Variants in LY96 observed in about 807,000 individuals in gnomAD.
LY96 encodes lymphocyte antigen 96.
A neutral mutation model predicts 18.9 loss-of-function variants in LY96; 18 were observed. The observed-to-expected ratio is 0.95, with a 90% CI of 0.66 to 1.41. The LOEUF is 1.41. LY96 is among the 40% of genes most tolerant of loss of function. The probability of loss-of-function intolerance (pLI) is 0.00; values close to 1 mark genes in which losing one functional copy is unlikely to be tolerated. For synonymous variants in LY96, 66 were observed against 62.6 expected (o/e 1.06, Z -0.26); for missense variants, 175 against 182.4 (o/e 0.96, Z 0.23).
intron 1 of LY96, among the ~76,000 whole-genome samples, chr8:73,995,208 C>T (rs1054058627): frequency 2.6e-5 from 4 of 152,196 alleles, no homozygotes; most frequent in African/African-American, 9.7e-5. Context: ...CAGATACCAG[C>T]ACCTTCACAT....
the LY96 span, among the ~76,000 whole-genome samples, chr8:74,064,432 A>G: frequency 6.6e-6 from 1 of 152,218 alleles, no homozygotes; most frequent in African/African-American, 2.4e-5. Flanking sequence ...TTAAGAAAGT[A>G]TTCACTCTAT....
At chr8:74,080,440 A>G in the LY96 span, among the ~76,000 whole-genome samples, 1 of 152,214 alleles carries the variant, frequency 6.6e-6, no homozygotes, top group Non-Finnish European at 1.5e-5. Flanking sequence ...TGGAGGTGCC[A>G]GGAATCAGGC....
rs866311749 is a variant in LY96 at position 74,014,314 on chromosome 8, G to A, written c.331+4185G>A. On this transcript the variant is annotated intron_variant, in intron 3 of 4. Transcript: ENST00000284818. ...CTTTAGTCCAGCTACTTGGGACTGA[G>A]GTGGGAGGATCACTTGCACCCAGGA... Among the ~76,000 whole-genome samples the A allele has an allele frequency of 3.3e-5, 5 of 150,542 alleles. No individual in the cohort carries two copies. The South Asian group carries it at 6.3e-4, about 19-fold the overall frequency.
At chr8:74,097,528 T>C in the LY96 span, among the ~76,000 whole-genome samples, 1 of 151,952 alleles carries the variant, frequency 6.6e-6, no homozygotes, top group African/African-American at 2.4e-5. Context: ...GCCAACATGG[T>C]GAAACCCCGT....
intron 3 of LY96, among the ~76,000 whole-genome samples, chr8:74,014,812 T>TAC (rs111566455): frequency 0.32 from 46,686 of 144,426 alleles, 7,650 homozygotes; most frequent in East Asian, 0.53. Flanking sequence ...CTCACCAGTT[T>TAC]ACACACACAC....
At chr8:74,088,083 A>AAGAATAATAGAATAGAATAGAAT in the LY96 span, among the ~76,000 whole-genome samples, 1 of 120,324 alleles carries the variant, frequency 8.3e-6, no homozygotes, top group African/African-American at 3.3e-5. Context: ...TCACTGAGAG[A>AAGAATAATAGAATAGAATAGAAT]AGAATAGAAT....
At chr8:74,077,302 G>T in the LY96 span, among the ~76,000 whole-genome samples, 1 of 152,104 alleles carries the variant, frequency 6.6e-6, no homozygotes, top group African/African-American at 2.4e-5. Flanking sequence ...CTAAACAGGC[G>T]CTTTATGAAT....
At chr8:74,000,497 C>T (rs1310009592) in intron 1 of LY96, among the ~76,000 whole-genome samples, 4 of 152,130 alleles carry the variant, frequency 2.6e-5, no homozygotes, top group Admixed American at 1.3e-4. Flanking sequence ...TAGGAATTTC[C>T]ACACTTTCCC....
chr8:74,038,303 A>C, the LY96 span, among the ~76,000 whole-genome samples: 1 of 151,736 alleles, frequency 6.6e-6, no homozygotes. Flanking sequence ...CTTTTAAACT[A>C]TTTTTTTTGT....
chr8:74,029,579 T>C (rs6994774), downstream of LY96, among the ~76,000 whole-genome samples: 26,210 of 152,102 alleles, frequency 0.17, 2,514 homozygotes, highest in African/African-American at 0.26. Flanking sequence ...GAAGGACGCG[T>C]TTGCTTCCCC....
intron 3 of LY96, 53 bp downstream of exon 3, chr8:74,010,182 A>C: frequency 6.6e-7 from 1 of 1,512,432 alleles, no homozygotes; most frequent in East Asian, 2.3e-5. Context: ...CTTTATGAAA[A>C]TGTTATGAAA....
At chr8:74,063,373 C>T in the LY96 span, among the ~76,000 whole-genome samples, 303 of 152,228 alleles carry the variant, frequency 2.0e-3, no homozygotes, top group African/African-American at 6.7e-3. Context: ...ATTAGCTCTG[C>T]TTTTTGAAGG....
At chr8:74,096,132 T>A in the LY96 span, among the ~76,000 whole-genome samples, 4 of 152,206 alleles carry the variant, frequency 2.6e-5, no homozygotes, top group African/African-American at 7.2e-5. Context: ...CTTCTTACTA[T>A]CTCCACTGCA....
intron 1 of LY96, among the ~76,000 whole-genome samples, chr8:74,004,252 C>G (rs749592760): frequency 6.6e-6 from 1 of 152,224 alleles, no homozygotes; most frequent in Non-Finnish European, 1.5e-5. Context: ...CTGCCCAAGC[C>G]ACTGCCTTTA....
downstream of LY96, among the ~76,000 whole-genome samples, chr8:74,030,018 T>G (rs1218023240): frequency 6.6e-6 from 1 of 152,212 alleles, no homozygotes. Context: ...AATGGACTAA[T>G]ACAGCAGTGT....
At chr8:74,015,815 T>G (rs1010534433) in intron 3 of LY96, among the ~76,000 whole-genome samples, 4 of 152,214 alleles carry the variant, frequency 2.6e-5, no homozygotes, top group African/African-American at 7.2e-5. Flanking sequence ...TCCCTCGCCC[T>G]GCCTCAGTTC....
the LY96 span, among the ~76,000 whole-genome samples, chr8:74,092,308 T>C: frequency 3.7e-4 from 57 of 152,266 alleles, no homozygotes; most frequent in African/African-American, 1.4e-3. Context: ...TATCCCCACA[T>C]TGCCCCCTTT....
downstream of LY96, among the ~76,000 whole-genome samples, chr8:74,030,468 G>A (rs1816951696): frequency 6.6e-6 from 1 of 152,204 alleles, no homozygotes; most frequent in South Asian, 2.1e-4. Context: ...AGCCAAGATT[G>A]TGCCACTGCA....
the LY96 span, among the ~76,000 whole-genome samples, chr8:74,036,631 C>T: frequency 1.3e-5 from 2 of 152,122 alleles, no homozygotes; most frequent in African/African-American, 4.8e-5. Flanking sequence ...ATTCCTTAGC[C>T]CCCAGCCCAC....
Sources: gnomAD v4.1 joint callset for allele counts (sites outside exome capture counted in the v4.1 genomes callset) on GRCh38, gnomAD v4.1.1 for gene constraint, MANE v1.5 for transcripts, NCBI Gene and HGNC (gene_info 2026-07-23, HGNC 2026-07-21) for gene names.